The following MASP1 variants were observed in gnomAD, a reference collection of about 807,000 sequenced individuals.
MASP1 encodes the protein mannan-binding lectin serine protease 1.
Under a neutral mutation model 77.1 loss-of-function variants are expected in MASP1, and 59 were observed. The ratio of observed to expected loss-of-function variants is 0.77; its 90% CI spans 0.62 to 0.95. The LOEUF is 0.95. Ranked by LOEUF, MASP1 falls within the 40% of genes least tolerant of loss-of-function variation. The pLI is 0.00. For missense variants in MASP1, 885 were observed against 912.9 expected, an observed-to-expected ratio of 0.97 and a Z score of 0.39; for synonymous variants, 362 against 354.5, an observed-to-expected ratio of 1.02 and a Z score of -0.24.
chr3:187,277,019 G>A (rs923124533), intron 2 of MASP1, among the ~76,000 whole-genome samples: 2 of 152,164 alleles, frequency 1.3e-5, no homozygotes, highest in African/African-American at 4.8e-5. Flanking sequence ...CAATTACACA[G>A]CAGGATGCAG....
intron 8 of MASP1, chr3:187,246,663 AG>A (rs1213765023): frequency 1.0e-6 from 1 of 988,338 alleles, no homozygotes; most frequent in Non-Finnish European, 1.2e-6. Flanking sequence ...CACTGCTTTC[AG>A]GTGTGATCCT....
At chr3:187,237,443 T>C (rs755787237) in intron 10 of MASP1, among the ~76,000 whole-genome samples, 58 of 152,260 alleles carry the variant, frequency 3.8e-4, no homozygotes, top group Non-Finnish European at 7.6e-4. Context: ...TTGCTATAAA[T>C]TGATGCCCAT....
chr3:187,285,799 C>T (rs951983373), intron 2 of MASP1, 26 bp downstream of exon 2: 2 of 1,566,256 alleles, frequency 1.3e-6, no homozygotes, highest in African/African-American at 2.7e-5. Context: ...GAGCCTGGCC[C>T]AGTTAGGGGA....
chr3:187,283,170 A>T (rs142007949), intron 2 of MASP1, among the ~76,000 whole-genome samples: 1 of 152,346 alleles, frequency 6.6e-6, no homozygotes, highest in Non-Finnish European at 1.5e-5. Flanking sequence ...GGTTTCAGGA[A>T]GGAGTCTCAC....
intron 1 of MASP1, among the ~76,000 whole-genome samples, chr3:187,288,333 T>A (rs1347444626): frequency 6.6e-6 from 1 of 152,140 alleles, no homozygotes; most frequent in Non-Finnish European, 1.5e-5. Context: ...AGGCATCCCA[T>A]TTTCAAGTGA....
chr3:187,282,839 C>T (rs1340343640), intron 2 of MASP1, among the ~76,000 whole-genome samples: 1 of 152,218 alleles, frequency 6.6e-6, no homozygotes. Flanking sequence ...GTCTATCTCA[C>T]CTCCCGCCGC....
At chr3:187,262,964 G>A (rs2108565748) in intron 2 of MASP1, 2 of 496,956 alleles carry the variant, frequency 4.0e-6, no homozygotes, top group African/African-American at 1.9e-5. Context: ...TGTTGTTGCT[G>A]TCAATAACCA....
chr3:187,233,325 A>T (rs1677064494), downstream of MASP1, among the ~76,000 whole-genome samples: 5 of 152,172 alleles, frequency 3.3e-5, no homozygotes, highest in South Asian at 1.0e-3. Flanking sequence ...CATGCCCTTT[A>T]AAACTCTTCC....
intron 11 of MASP1, among the ~76,000 whole-genome samples, chr3:187,227,099 A>G (rs887279648): frequency 6.6e-6 from 1 of 152,254 alleles, no homozygotes; most frequent in Admixed American, 6.5e-5. Context: ...AGAGTAAATC[A>G]GTGTCTGGAC....
chr3:187,243,449 A>AGCC (rs1489912633), intron 9 of MASP1, 35 bp downstream of exon 9: 1 of 1,613,432 alleles, frequency 6.2e-7, no homozygotes. Flanking sequence ...GAGAGTGTGA[A>AGCC]ACGGGAGTGG....
rs377428971 is a variant in MASP1 at position 187,240,722 on chromosome 3, C to T, written c.1303+759G>A. On this transcript the variant is annotated intron_variant, in intron 10 of 10. Transcript: ENST00000296280. ...TCTCAGCTCACTGTAGCCTCTGCCC[C>T]CTGGGTTCAAGCAATTCTCCTCTCT... is the stretch of plus-strand genomic sequence containing the variant. Among the ~76,000 whole-genome samples, 126 of 152,252 alleles carry T rather than the reference C, an allele frequency of 8.3e-4. 1 individual carries two copies. Among genetic ancestry groups the T allele is most frequent in the African/African-American group, 2.8e-3 (115 of 41,556 alleles).
downstream of MASP1, among the ~76,000 whole-genome samples, chr3:187,230,128 G>A (rs1229424026): frequency 6.6e-6 from 1 of 152,242 alleles, no homozygotes; most frequent in Non-Finnish European, 1.5e-5. Flanking sequence ...TTCAGGGATA[G>A]GAATGTGACT....
At chr3:187,229,613 C>T (rs117055281), downstream of MASP1, 176 of 1,045,952 alleles carry the variant, frequency 1.7e-4, 1 homozygote, top group East Asian at 3.9e-3. Context: ...AGACCAGGAT[C>T]CAGTCTAGCC....
At chr3:187,244,502 A>C (rs1713922054) in intron 8 of MASP1, 1 of 152,222 alleles carries the variant, frequency 6.6e-6, no homozygotes. Context: ...TAGGTATAAC[A>C]GCCTATGCCA....
At chr3:187,225,070 TTC>T (rs1712332460) in intron 13 of MASP1, among the ~76,000 whole-genome samples, 2 of 152,240 alleles carry the variant, frequency 1.3e-5, no homozygotes, top group Non-Finnish European at 2.9e-5. Flanking sequence ...CTATATTAAA[TTC>T]TCTCTGTTAC....
At chr3:187,227,378 T>G (rs1256683739) in intron 11 of MASP1, among the ~76,000 whole-genome samples, 1 of 152,198 alleles carries the variant, frequency 6.6e-6, no homozygotes, top group Non-Finnish European at 1.5e-5. Context: ...CTGTCATCTT[T>G]CTCTGGATGG....
intron 11 of MASP1, among the ~76,000 whole-genome samples, chr3:187,226,725 A>G (rs1579463550): frequency 6.6e-6 from 1 of 152,164 alleles, no homozygotes; most frequent in African/African-American, 2.4e-5. Context: ...TGTGATTTTT[A>G]CCTGCCTATT....
At chr3:187,268,545 A>G (rs1046372946) in intron 2 of MASP1, among the ~76,000 whole-genome samples, 14 of 144,568 alleles carry the variant, frequency 9.7e-5, no homozygotes, top group African/African-American at 2.8e-4. Context: ...AAAAGAAAAG[A>G]AAATAGAAAA....
At chr3:187,250,198 C>T (rs1284221505) in intron 8 of MASP1, 53 bp downstream of exon 8, 19 of 1,450,648 alleles carry the variant, frequency 1.3e-5, no homozygotes, top group South Asian at 1.1e-4. Context: ...GCTCGGATCC[C>T]GCCAGTGCTG....
Sources: gnomAD v4.1 joint callset for allele counts (sites outside exome capture counted in the v4.1 genomes callset) on GRCh38, gnomAD v4.1.1 for gene constraint, MANE v1.5 for transcripts, NCBI Gene and HGNC (gene_info 2026-07-23, HGNC 2026-07-21) for gene names.